Variants in GPATCH1 observed in about 807,000 individuals in gnomAD.
GPATCH1 encodes G-patch domain containing 1.
GPATCH1 carries 73 observed loss-of-function variants against 114.9 expected under a neutral mutation model. The observed-to-expected ratio is 0.64, with a 90% CI of 0.53 to 0.77. GPATCH1 has a LOEUF of 0.77. Among genes scored for constraint, GPATCH1 ranks in the 30% least tolerant of loss-of-function variants. GPATCH1 has a pLI of 0.00. For synonymous variants in GPATCH1, 391 were observed against 428.4 expected (o/e 0.91, Z 1.08); for missense variants, 1,058 against 1,144.3 (o/e 0.92, Z 1.09).
rs531712294 is a variant in GPATCH1 at position 33,107,474 on chromosome 19, C to T, written c.1285+575C>T. Among the ~76,000 whole-genome samples the T allele has an allele frequency of 2.0e-5, 3 of 152,298 alleles. No individual in the cohort carries two copies. In the South Asian group the frequency reaches 6.2e-4, roughly 32 times the overall value. On this transcript the variant is annotated intron_variant, in intron 10 of 19. Coordinates refer to ENST00000170564, the MANE Select transcript of GPATCH1 (RefSeq NM_018025.3). ...CAGGGAATGTGGTTAAGGTGCCTTC[C>T]CCTTCTCTGCACAGCCTGGGAGAGT... is the stretch of plus-strand genomic sequence containing the variant.
intron 8 of GPATCH1, among the ~76,000 whole-genome samples, chr19:33,100,780 CTT>C (rs746559066): frequency 6.9e-4 from 93 of 135,480 alleles, no homozygotes; most frequent in African/African-American, 2.3e-3. Flanking sequence ...GTAGAAGGGG[CTT>C]TTTTTTTTTT....
At position 33,126,636 on chromosome 19, in the gene GPATCH1, A is replaced by C; in HGVS notation, c.2668A>C (p.Lys890Gln). ...ACACAAAGGCAAGCAAAAGAATAAA[A>C]AACCAGAGAAAAGTAGTAGCTCCGA... is the stretch of plus-strand genomic sequence containing the variant. ...HKHKGKQKNK[K>Q]PEKSSSSESS... Residue 890 changes from lysine (K) to glutamine (Q), a missense_variant, in exon 19 of 20, where the codon AAA becomes CAA. This residue lies in a region of GPATCH1 where 893 missense variants were observed against 977.4 expected (regional missense o/e 0.91). Transcript: ENST00000170564. 6.2e-7 allele frequency: 1 copy of C among 1,614,072 alleles called. No individual in the cohort carries two copies. Among genetic ancestry groups the C allele is most frequent in the Non-Finnish European group, 8.5e-7 (1 of 1,180,000 alleles).
chr19:33,088,925 G>A (rs1051427799), intron 2 of GPATCH1, among the ~76,000 whole-genome samples: 5 of 152,110 alleles, frequency 3.3e-5, no homozygotes, highest in Non-Finnish European at 7.4e-5. Context: ...CCAAAGTGCT[G>A]GGATTACAGG....
Position 33,088,212 on chromosome 19 carries a change from G to A in GPATCH1, c.152G>A (p.Gly51Glu), listed in dbSNP as rs774871945. Reference protein sequence around the residue: ...DEKGRYKRFHGAFSGGFSAGY... With the variant: ...DEKGRYKRFHEAFSGGFSAGY... ...AAAGGAAGGTATAAACGATTCCACG[G>A]GGCCTTTAGTGGAGGTTTCTCTGCT... is the stretch of plus-strand genomic sequence containing the variant. Residue 51 changes from glycine (G) to glutamate (E), a missense_variant, in exon 2 of 20, where the codon GGG becomes GAG. Physicochemically the swap from Gly to Glu is moderately conservative, Grantham distance 98. This residue lies in a region of GPATCH1 where 131 missense variants were observed against 107.2 expected (regional missense o/e 1.22). Transcript: ENST00000170564. The A allele has an allele frequency of 1.2e-6, 2 of 1,604,548 alleles. No homozygotes were observed.
intron 1 of GPATCH1, among the ~76,000 whole-genome samples, chr19:33,083,477 C>T (rs1182554552): frequency 6.6e-6 from 1 of 151,290 alleles, no homozygotes; most frequent in Non-Finnish European, 1.5e-5. Context: ...TCACTGCAAC[C>T]TCCGCCTTCC....
rs1296990697 is a variant in GPATCH1, at chr19:33,109,868, A to T, written c.1437A>T (p.Ala479=). The change falls in exon 11 of 20, where the codon GCA becomes GCT. Residue 479 remains alanine (A), a synonymous_variant. Coordinates refer to ENST00000170564, the MANE Select transcript of GPATCH1 (RefSeq NM_018025.3). The part of the protein sequence containing the change: ...AQSSRAQLSP[A]AAAGHCSWNM... ...GCAGCAGAGCCCAGCTCTCCCCTGC[A>T]GCGGCTGCTGGGCACTGCTCTTGGA... 3.1e-6 allele frequency: 5 copies of T among 1,614,068 alleles called. No individual in the cohort carries two copies. Among genetic ancestry groups the T allele is most frequent in the South Asian group, 1.1e-5 (1 of 91,092 alleles).
rs1568339456 is a variant in GPATCH1 at position 33,093,347 on chromosome 19, AT to A, written c.295-5del. The stretch of plus-strand genomic sequence containing the variant: ...TTCCAAATAATGTAATTCTGTTTGA[AT>A]TTTTTTGAAGGATCTTAGTGAATTT... On this transcript the variant is annotated splice_polypyrimidine_tract_variant and intron_variant, in intron 3 of 19. Transcript: ENST00000170564. 1.3e-6 allele frequency: 2 copies of A among 1,587,828 alleles called. No homozygotes were observed. The highest frequency in any genetic ancestry group is 1.1e-5 in the South Asian group (1 of 90,298).
At chr19:33,099,052 CATAAT>C (rs1972695661) in intron 8 of GPATCH1, among the ~76,000 whole-genome samples, 2 of 148,192 alleles carry the variant, frequency 1.3e-5, no homozygotes, top group African/African-American at 2.5e-5. Flanking sequence ...ATTAATATAT[CATAAT>C]ATACTATTTA....
intron 10 of GPATCH1, among the ~76,000 whole-genome samples, chr19:33,107,811 G>A (rs964771492): frequency 7.9e-5 from 12 of 151,944 alleles, no homozygotes; most frequent in East Asian, 1.9e-4. Context: ...GGACCAGGAT[G>A]TAGGAGGCCT....
At chr19:33,088,111 A>G in intron 1 of GPATCH1, 23 bp from the exon 2 acceptor site, 1 of 1,228,034 alleles carries the variant, frequency 8.1e-7, no homozygotes, top group Non-Finnish European at 1.1e-6. Context: ...CATTTAAAAA[A>G]CTTTTTTTTT....
intron 18 of GPATCH1, among the ~76,000 whole-genome samples, chr19:33,125,499 T>C (rs1029947297): frequency 1.3e-5 from 2 of 151,342 alleles, no homozygotes; most frequent in Non-Finnish European, 1.5e-5. Flanking sequence ...ATTCTCCTGC[T>C]TCAGCCTCTT....
intron 4 of GPATCH1, 98 bp downstream of exon 4, chr19:33,093,617 C>G (rs1568339603): frequency 8.1e-6 from 9 of 1,112,322 alleles, no homozygotes; most frequent in Non-Finnish European, 1.0e-5. Flanking sequence ...GTGAGACAAG[C>G]CTTCTTAGGC....
chr19:33,110,787 AAT>A (rs1314165160), intron 11 of GPATCH1, among the ~76,000 whole-genome samples: 2 of 151,820 alleles, frequency 1.3e-5, no homozygotes, highest in Non-Finnish European at 2.9e-5. Context: ...TAGCCTCTCA[AAT>A]GGTTTTCTCT....
chr19:33,115,225 A>ATTTTT (rs71176196), intron 15 of GPATCH1, among the ~76,000 whole-genome samples: 2 of 56,858 alleles, frequency 3.5e-5, no homozygotes, highest in Non-Finnish European at 5.9e-5. Context: ...TGCCTGGCTA[A>ATTTTT]TTTTTTTTTT....
In GPATCH1 at chr19:33,111,727, C is replaced by T; in HGVS notation, c.1589C>T (p.Ala530Val). The T allele has an allele frequency of 1.2e-6, 2 of 1,613,668 alleles. No homozygotes were observed. The highest frequency in any genetic ancestry group is 1.7e-6 in the Non-Finnish European group (2 of 1,179,922). ...LVHMKQGQKD[A>V]LERCLDPSMT... ...TTCTTGTTCTCTGCCCCCGCAGATGCTCTGGAACGCTGTCTGGACCCCAGC... is the reference window on the plus strand; with the variant it reads ...TTCTTGTTCTCTGCCCCCGCAGATGTTCTGGAACGCTGTCTGGACCCCAGC... The change falls in exon 12 of 20, where the codon GCT becomes GTT. Residue 530 changes from alanine (A) to valine (V), a missense_variant. Coordinates refer to ENST00000170564, the MANE Select transcript of GPATCH1 (RefSeq NM_018025.3).
At position 33,126,610 on chromosome 19, in the gene GPATCH1, A is replaced by AC. The variant is rs1973043733; in HGVS notation, c.2642_2643insC (p.Lys881AsnfsTer9). 1.2e-6 allele frequency: 2 copies of AC among 1,612,900 alleles called. No homozygotes were observed. The highest frequency in any genetic ancestry group is 2.2e-5 in the South Asian group (2 of 90,938). On this transcript the variant is annotated frameshift_variant, in exon 19 of 20. Transcript: ENST00000170564. LOFTEE classifies it high-confidence loss of function. Reference sequence around the variant, plus strand: ...CAGAAAAAGAAACACAGGAAGCACAAACACAAAGGCAAGCAAAAGAATAAA... The same window carrying AC: ...CAGAAAAAGAAACACAGGAAGCACAACACACAAAGGCAAGCAAAAGAATAAA...
rs1972861174 is a variant in GPATCH1, at chr19:33,112,013, T to C, written c.1764+111T>C. On this transcript the variant is annotated intron_variant, in intron 12 of 19. Coordinates refer to ENST00000170564, the MANE Select transcript of GPATCH1 (RefSeq NM_018025.3). ...CGGAGTCTCTCTCTGTCGCCCAGGC[T>C]AGAGTGCAGTGGTGTGATCTCGGCT... 7.7e-6 allele frequency: 6 copies of C among 776,306 alleles called. No individual in the cohort carries two copies. The Admixed American group carries it at 1.5e-4, about 19-fold the overall frequency. 48.1% of individuals were successfully genotyped at this position (776,306 alleles called of 1,614,324 possible). A position where few individuals can be genotyped will look rare whatever the true frequency, so the allele number is the denominator to read the frequency against.
At chr19:33,125,347 A>G in intron 18 of GPATCH1, 145 bp downstream of exon 18, 1 of 914,614 alleles carries the variant, frequency 1.1e-6, no homozygotes, top group South Asian at 2.0e-5. Context: ...GTTGACATTC[A>G]ATTCAAATGC....
At chr19:33,092,306 C>A (rs112521943) in intron 3 of GPATCH1, among the ~76,000 whole-genome samples, 11 of 152,282 alleles carry the variant, frequency 7.2e-5, no homozygotes, top group South Asian at 2.1e-4. Context: ...CCACCTCGGC[C>A]TCCCAAAGTG....
Sources: allele counts gnomAD v4.1 joint callset (sites outside exome capture counted in the v4.1 genomes callset), GRCh38; gene constraint gnomAD v4.1.1; regional missense constraint gnomAD v4.1.1; transcripts MANE v1.5; gene names NCBI Gene and HGNC (gene_info 2026-07-23, HGNC 2026-07-21).